Variants in MOCOS observed in about 807,000 individuals in gnomAD.
MOCOS encodes the protein human molybdenum cofactor sulfurase.
In MOCOS, 86 loss-of-function variants were observed where a neutral mutation model predicts 83.6. The observed-to-expected ratio is 1.03, with a 90% CI of 0.86 to 1.23. The LOEUF (loss-of-function observed/expected upper bound fraction) is 1.23. MOCOS is among the 50% of genes most tolerant of loss of function. MOCOS has a pLI of 0.00. For missense variants in MOCOS, 1,120 were observed against 1,126.9 expected (o/e 0.99, Z 0.09); for synonymous variants, 445 against 434.7 (o/e 1.02, Z -0.29).
chr18:36,205,085 G>A lies in MOCOS; in HGVS notation c.1027G>A (p.Glu343Lys). The A allele has an allele frequency of 1.9e-6, 3 of 1,611,968 alleles. No homozygotes were observed. Among genetic ancestry groups the A allele is most frequent in the Non-Finnish European group, 2.5e-6 (3 of 1,178,426 alleles). ...TTCATGATTGATTTGAGGTGGAATGGAGAATATAAAGCAGCACACCTTCAC... is the reference window on the plus strand; with the variant it reads ...TTCATGATTGATTTGAGGTGGAATGAAGAATATAAAGCAGCACACCTTCAC... ...DTLERLTGGM[E>K]NIKQHTFTLA... Residue 343 changes from glutamate (E) to lysine (K), a missense_variant, in exon 6 of 15, where the codon GAG (glutamate) becomes AAG (lysine). Transcript: ENST00000261326.
At chr18:36,256,357 T>A (rs945949892) in intron 11 of MOCOS, among the ~76,000 whole-genome samples, 5 of 152,244 alleles carry the variant, frequency 3.3e-5, no homozygotes, top group African/African-American at 1.2e-4. Context: ...AGGGAAAGGA[T>A]GCGCCTGCTG....
In MOCOS at chr18:36,231,193, C is replaced by T. The variant is rs570846241; in HGVS notation, c.1960+10976C>T. 3.9e-5 allele frequency among the ~76,000 whole-genome samples: 6 copies of T among 151,998 alleles called. No individual in the cohort carries two copies. In the East Asian group the frequency reaches 1.2e-3, roughly 29 times the overall value. On this transcript the variant is annotated intron_variant, in intron 9 of 14. Transcript: ENST00000261326. ...TCTGTATTTGTTTATCATATTTTTT[C>T]CCATAAGCTATTAATATGATGTATT...
Position 36,215,940 on chromosome 18 carries a change from T to C in MOCOS, c.1760T>C (p.Leu587Pro). 1.9e-6 allele frequency: 3 copies of C among 1,613,772 alleles called. No homozygotes were observed. Among genetic ancestry groups the C allele is most frequent in the Non-Finnish European group, 1.7e-6 (2 of 1,179,924 alleles). Reference protein sequence around the residue: ...GALGPHVVTNLYLYPIKSCAA... With the variant: ...GALGPHVVTNPYLYPIKSCAA... ...CTTGGGCCACATGTTGTCACTAACC[T>C]TTATCTCTATCCAATCAAATCCTGT... is the stretch of plus-strand genomic sequence containing the variant. The change falls in exon 8 of 15, where the codon CTT becomes CCT. Residue 587 changes from leucine (L) to proline (P), a missense_variant. Coordinates refer to ENST00000261326, the MANE Select transcript of MOCOS (RefSeq NM_017947.4).
Position 36,198,730 on chromosome 18 carries a change from T to A in MOCOS, c.273T>A (p.His91Gln), listed in dbSNP as rs773496995. The change falls in exon 3 of 15, where the codon CAT becomes CAA. Residue 91 changes from histidine to glutamine, a missense_variant. Physicochemically the swap from His to Gln is conservative, Grantham distance 24. Coordinates refer to ENST00000261326, the MANE Select transcript of MOCOS (RefSeq NM_017947.4). The part of the protein sequence containing the change: ...HSQNISSKLT[H>Q]DTVEQVRYRI... The stretch of plus-strand genomic sequence containing the variant: ...AGAACATCAGCAGCAAGCTCACCCA[T>A]GACACTGTGGAGCAGGTGCGCTACA... The A allele has an allele frequency of 5.0e-6, 8 of 1,614,200 alleles. No homozygotes were observed. In the East Asian group the frequency reaches 1.8e-4, roughly 36 times the overall value.
At chr18:36,232,881 CA>C (rs1407026028) in intron 9 of MOCOS, among the ~76,000 whole-genome samples, 1 of 138,332 alleles carries the variant, frequency 7.2e-6, no homozygotes, top group East Asian at 2.1e-4. Context: ...CACACACACA[CA>C]CACACACCAT....
intron 9 of MOCOS, among the ~76,000 whole-genome samples, chr18:36,240,761 G>T (rs1395948735): frequency 1.3e-5 from 2 of 152,166 alleles, no homozygotes; most frequent in Non-Finnish European, 2.9e-5. Context: ...TTTGATCTCA[G>T]ACTGCTGTGC....
chr18:36,233,222 T>C (rs537455963), intron 9 of MOCOS, among the ~76,000 whole-genome samples: 1 of 152,330 alleles, frequency 6.6e-6, no homozygotes, highest in East Asian at 1.9e-4. Context: ...GTCATTCTTA[T>C]GTCTTTATAT....
At chr18:36,221,955 C>T (rs2091497771) in intron 9 of MOCOS, among the ~76,000 whole-genome samples, 1 of 152,100 alleles carries the variant, frequency 6.6e-6, no homozygotes, top group Admixed American at 6.6e-5. Context: ...GAACTCCCGA[C>T]CTCAGGTGAT....
At chr18:36,268,421 A>T in intron 14 of MOCOS, 112 bp from the exon 15 acceptor site, 1 of 1,319,700 alleles carries the variant, frequency 7.6e-7, no homozygotes, top group Non-Finnish European at 1.1e-6. Context: ...AAGTCTCAGT[A>T]TATGTCTTTA....
intron 3 of MOCOS, 78 bp downstream of exon 3, chr18:36,198,834 CAAAAGTT>C: frequency 1.3e-6 from 2 of 1,496,372 alleles, no homozygotes; most frequent in Non-Finnish European, 1.9e-6. Context: ...CTGCATCCCA[CAAAAGTT>C]CTGAGTTGGT....
At chr18:36,267,362 G>A (rs1222333723) in intron 14 of MOCOS, among the ~76,000 whole-genome samples, 1 of 152,166 alleles carries the variant, frequency 6.6e-6, no homozygotes, top group African/African-American at 2.4e-5. Flanking sequence ...TTATTTTCAG[G>A]CTTATACTTT....
intron 3 of MOCOS, among the ~76,000 whole-genome samples, chr18:36,199,440 T>G (rs1357487772): frequency 1.3e-5 from 2 of 152,222 alleles, no homozygotes; most frequent in Non-Finnish European, 2.9e-5. Flanking sequence ...TTAAGTTTAT[T>G]GTGGATTTTT....
chr18:36,216,819 T>C (rs867602116), intron 8 of MOCOS, among the ~76,000 whole-genome samples: 7 of 152,148 alleles, frequency 4.6e-5, no homozygotes, highest in African/African-American at 1.7e-4. Flanking sequence ...ATAGACCCCA[T>C]GTTAACCAAG....
chr18:36,266,602 T>G, intron 13 of MOCOS, 147 bp from the exon 14 acceptor site: 3 of 710,084 alleles, frequency 4.2e-6, no homozygotes, highest in Non-Finnish European at 5.1e-6. Context: ...CAAATGCAGA[T>G]GATTCCCCAG....
At chr18:36,250,179 C>CTAAG (rs1263278108) in intron 10 of MOCOS, among the ~76,000 whole-genome samples, 2 of 152,140 alleles carry the variant, frequency 1.3e-5, no homozygotes, top group Non-Finnish European at 2.9e-5. Flanking sequence ...CTATATAACA[C>CTAAG]TTCACTAAAG....
chr18:36,193,101 G>A (rs1184524519), intron 1 of MOCOS, among the ~76,000 whole-genome samples: 1 of 150,514 alleles, frequency 6.6e-6, no homozygotes, highest in Admixed American at 6.6e-5. Context: ...CATGAGGTCA[G>A]GAGATCGAGA....
chr18:36,196,020 C>T (rs1217246802), intron 2 of MOCOS, among the ~76,000 whole-genome samples: 3 of 152,092 alleles, frequency 2.0e-5, no homozygotes, highest in Admixed American at 1.3e-4. Context: ...AGGGTAACAG[C>T]CTGAGCCAAG....
In MOCOS at chr18:36,216,007, C is replaced by T. The variant is rs773129847; in HGVS notation, c.1797+30C>T. The T allele has an allele frequency of 1.3e-5, 20 of 1,584,088 alleles. No individual in the cohort carries two copies. In the East Asian group the frequency reaches 3.6e-4, roughly 28 times the overall value. On this transcript the variant is annotated intron_variant, in intron 8 of 14. Coordinates refer to ENST00000261326, the MANE Select transcript of MOCOS (RefSeq NM_017947.4). The stretch of plus-strand genomic sequence containing the variant: ...GGAATTTCACAGCAGCACAGAAAGT[C>T]TTCTCTTTGTTTACTCTCTCTATTT...
At chr18:36,243,292 T>C (rs1256382012) in intron 9 of MOCOS, among the ~76,000 whole-genome samples, 1 of 152,034 alleles carries the variant, frequency 6.6e-6, no homozygotes, top group Admixed American at 6.6e-5. Context: ...TTGCTCTGGC[T>C]ACAACTTTGC....
Sources: gnomAD v4.1 joint callset for allele counts (sites outside exome capture counted in the v4.1 genomes callset) on GRCh38, gnomAD v4.1.1 for gene constraint, MANE v1.5 for transcripts, NCBI Gene and HGNC (gene_info 2026-07-23, HGNC 2026-07-21) for gene names.